Variants in TAFA2 observed in about 807,000 individuals in gnomAD.
TAFA2 encodes the protein TAFA chemokine like family member 2.
In TAFA2, 7 loss-of-function variants were observed where a neutral mutation model predicts 18.8. That is an observed-to-expected ratio of 0.37 (90% CI 0.21 to 0.70). The LOEUF is 0.70. Ranked by LOEUF, TAFA2 falls within the 30% of genes least tolerant of loss-of-function variation. The pLI, the probability that TAFA2 is intolerant of heterozygous loss-of-function variation, is 0.53. For missense variants in TAFA2, 122 were observed against 158.1 expected, an observed-to-expected ratio of 0.77 and a Z score of 1.23; for synonymous variants, 60 against 54.2, an observed-to-expected ratio of 1.11 and a Z score of -0.47.
At chr12:62,131,184 C>A (rs1355237364) in intron 1 of TAFA2, among the ~76,000 whole-genome samples, 1 of 151,738 alleles carries the variant, frequency 6.6e-6, no homozygotes, top group Non-Finnish European at 1.5e-5. Context: ...ATTGAGGGCA[C>A]AAAAGCAAAA....
At chr12:61,970,849 A>G (rs1879223122) in intron 1 of TAFA2, among the ~76,000 whole-genome samples, 1 of 151,602 alleles carries the variant, frequency 6.6e-6, no homozygotes, top group African/African-American at 2.4e-5. Flanking sequence ...GAAATGAAAA[A>G]AAAAAAATAC....
chr12:61,752,233 A>T (rs1356065166), intron 4 of TAFA2, among the ~76,000 whole-genome samples: 1 of 151,998 alleles, frequency 6.6e-6, no homozygotes, highest in Non-Finnish European at 1.5e-5. Context: ...TGTTCAGTGT[A>T]TGGCATATGT....
intron 1 of TAFA2, among the ~76,000 whole-genome samples, chr12:62,133,998 A>T (rs1350809448): frequency 1.3e-5 from 2 of 152,008 alleles, no homozygotes; most frequent in African/African-American, 2.4e-5. Context: ...ACACTCCAGC[A>T]ACACTAACCT....
At chr12:61,991,387 A>G (rs531822690) in intron 1 of TAFA2, among the ~76,000 whole-genome samples, 30 of 152,308 alleles carry the variant, frequency 2.0e-4, no homozygotes, top group African/African-American at 7.0e-4. Flanking sequence ...TCATAAATCA[A>G]TTCAGTGAAT....
At chr12:62,215,720 T>C (rs1300100842) in intron 1 of TAFA2, among the ~76,000 whole-genome samples, 9 of 148,108 alleles carry the variant, frequency 6.1e-5, no homozygotes, top group African/African-American at 2.2e-4. Flanking sequence ...CTTGTTTCTC[T>C]TGCTTAAGAG....
chr12:62,048,195 A>G (rs908986548), intron 1 of TAFA2, among the ~76,000 whole-genome samples: 2 of 152,180 alleles, frequency 1.3e-5, no homozygotes, highest in Non-Finnish European at 2.9e-5. Context: ...AAAGAGGTTT[A>G]ATTGACTTAC....
At chr12:62,231,839 G>A (rs1221788477) in intron 1 of TAFA2, among the ~76,000 whole-genome samples, 8 of 152,066 alleles carry the variant, frequency 5.3e-5, no homozygotes, top group Non-Finnish European at 1.0e-4. Context: ...GAAGGCTGGG[G>A]AACTCAAAGC....
intron 2 of TAFA2, among the ~76,000 whole-genome samples, chr12:61,779,395 T>A (rs967327244): frequency 2.0e-5 from 3 of 151,784 alleles, no homozygotes; most frequent in African/African-American, 7.3e-5. Flanking sequence ...CCCTATAATT[T>A]ATCTTCCAAA....
intron 4 of TAFA2, among the ~76,000 whole-genome samples, chr12:61,722,728 C>T (rs1869963268): frequency 6.6e-6 from 1 of 151,878 alleles, no homozygotes; most frequent in South Asian, 2.1e-4. Context: ...TAACTTTTTC[C>T]TATATGTCTT....
At chr12:62,178,859 G>T (rs2062532826) in intron 1 of TAFA2, among the ~76,000 whole-genome samples, 1 of 152,212 alleles carries the variant, frequency 6.6e-6, no homozygotes. Context: ...TCCTTGAAAA[G>T]ATATTTTGGA....
chr12:61,901,717 T>C (rs1022418925), intron 1 of TAFA2, among the ~76,000 whole-genome samples: 2 of 152,140 alleles, frequency 1.3e-5, no homozygotes, highest in Non-Finnish European at 2.9e-5. Flanking sequence ...ACCACACTAA[T>C]CAAACATTTG....
At chr12:62,097,931 T>C (rs1197958478) in intron 1 of TAFA2, among the ~76,000 whole-genome samples, 2 of 152,160 alleles carry the variant, frequency 1.3e-5, no homozygotes, top group Non-Finnish European at 2.9e-5. Flanking sequence ...GTCTTAAGCT[T>C]GTGAAGCTGA....
At position 62,018,753 on chromosome 12, in the gene TAFA2, C is replaced by A. The variant is rs143273116; in HGVS notation, c.-1-151327G>T. Among the ~76,000 whole-genome samples the A allele has an allele frequency of 7.7e-3, 1,177 of 152,284 alleles. 16 individuals are homozygous for A. The highest frequency in any genetic ancestry group is 0.027 in the African/African-American group (1,125 of 41,550). ...AAAACCTAGGCAATACCATTCAGGA[C>A]ATGGGCATGGGCAAGGACTTCATGT... On this transcript the variant is annotated intron_variant, in intron 1 of 4. Transcript: ENST00000416284.
intron 1 of TAFA2, among the ~76,000 whole-genome samples, chr12:62,095,285 C>T (rs1442589189): frequency 6.6e-6 from 1 of 152,038 alleles, no homozygotes; most frequent in African/African-American, 2.4e-5. Flanking sequence ...GATATAATTG[C>T]CACCCTGCTG....
chr12:62,066,487 C>T (rs1882492352), intron 1 of TAFA2, among the ~76,000 whole-genome samples: 1 of 151,866 alleles, frequency 6.6e-6, no homozygotes, highest in Non-Finnish European at 1.5e-5. Context: ...GGTAACCATC[C>T]TTCTACTCTC....
At chr12:62,040,090 A>T (rs538920139) in intron 1 of TAFA2, among the ~76,000 whole-genome samples, 6 of 152,300 alleles carry the variant, frequency 3.9e-5, no homozygotes, top group African/African-American at 1.4e-4. Context: ...GACCTGCATA[A>T]ATAAACATCT....
At chr12:61,726,910 T>C (rs1366028493) in intron 4 of TAFA2, among the ~76,000 whole-genome samples, 1 of 152,022 alleles carries the variant, frequency 6.6e-6, no homozygotes, top group Non-Finnish European at 1.5e-5. Flanking sequence ...CCTTCTATAC[T>C]AATTTTGCTG....
chr12:61,925,251 A>G (rs1101061), intron 1 of TAFA2, among the ~76,000 whole-genome samples: 6,161 of 152,272 alleles, frequency 0.04, 220 homozygotes, highest in African/African-American at 0.1. Flanking sequence ...AGACATCTAC[A>G]GAACTCTCCA....
intron 2 of TAFA2, among the ~76,000 whole-genome samples, chr12:61,831,679 T>C (rs935538886): frequency 6.6e-6 from 1 of 152,100 alleles, no homozygotes; most frequent in African/African-American, 2.4e-5. Flanking sequence ...TTAAACTCTT[T>C]AGCTTGTTTT....
Sources: allele counts gnomAD v4.1 joint callset (sites outside exome capture counted in the v4.1 genomes callset), GRCh38; gene constraint gnomAD v4.1.1; transcripts MANE v1.5; gene names NCBI Gene and HGNC (gene_info 2026-07-23, HGNC 2026-07-21).